XKR6: variants seen among roughly 807,000 people sequenced by gnomAD.
XKR6 encodes XK related 6, also known as XK-related protein 6.
In XKR6, 22 loss-of-function variants were observed where a neutral mutation model predicts 56.7. That is an observed-to-expected ratio of 0.39 (90% CI 0.28 to 0.55). The LOEUF is 0.55. Among genes scored for constraint, XKR6 ranks in the 20% least tolerant of loss-of-function variants. XKR6 has a pLI of 0.66. For synonymous variants in XKR6, 524 were observed against 387.8 expected, an observed-to-expected ratio of 1.35 and a Z score of -4.13; for missense variants, 852 against 889.0, an observed-to-expected ratio of 0.96 and a Z score of 0.53.
In XKR6 at chr8:11,027,071, G is replaced by A. The variant is rs183514011; in HGVS notation, c.765-102241C>T. ...CTGGCCTACTACACACGTAGATGGC[G>A]TTGCCTACCACACACCTAGGCTATA... On this transcript the variant is annotated intron_variant, in intron 1 of 2. Coordinates refer to ENST00000416569, the MANE Select transcript of XKR6 (RefSeq NM_173683.4). Among the ~76,000 whole-genome samples the A allele has an allele frequency of 3.3e-4, 50 of 152,296 alleles. 1 individual carries two copies. The highest frequency in any genetic ancestry group is 7.2e-4 in the Admixed American group (11 of 15,306).
chr8:10,992,447 A>G (rs1798015434), intron 1 of XKR6, among the ~76,000 whole-genome samples: 1 of 152,098 alleles, frequency 6.6e-6, no homozygotes, highest in Non-Finnish European at 1.5e-5. Context: ...GGAGGGGCAG[A>G]TGTGCTTCTT....
At chr8:10,966,027 C>T (rs1389933022) in intron 1 of XKR6, among the ~76,000 whole-genome samples, 2 of 152,148 alleles carry the variant, frequency 1.3e-5, no homozygotes, top group African/African-American at 4.8e-5. Context: ...CCATGCCAGG[C>T]CTAGAGCAGC....
At chr8:11,000,759 T>C (rs1051662965) in intron 1 of XKR6, among the ~76,000 whole-genome samples, 5 of 152,200 alleles carry the variant, frequency 3.3e-5, no homozygotes, top group Admixed American at 1.3e-4. Context: ...GAGCTCTCTC[T>C]GCTAGTTCAT....
Position 10,898,629 on chromosome 8 carries a change from G to A in XKR6, c.1249C>T (p.Leu417Phe), listed in dbSNP as rs1328873163. 3 of 1,614,028 alleles carry A rather than the reference G, an allele frequency of 1.9e-6. No individual in the cohort carries two copies. Among genetic ancestry groups the A allele is most frequent in the African/African-American group, 2.7e-5 (2 of 74,904 alleles). The change falls in exon 3 of 3, where the codon CTC becomes TTC. Residue 417 changes from leucine to phenylalanine, a missense_variant. Coordinates refer to ENST00000416569, the MANE Select transcript of XKR6 (RefSeq NM_173683.4). This position sits in a 1 kb window ranked among gnomAD's most constrained non-coding sequence, Gnocchi z 6.6. ...ACGATCCCTACCACCATGTTGAAGA[G>A]GATCTCCTCCCACTTGGACATGCAG... ...DFCMSKWEEI[L>F]FNMVVGIVYI...
intron 1 of XKR6, among the ~76,000 whole-genome samples, chr8:11,172,263 G>A (rs1245410934): frequency 2.6e-5 from 4 of 152,024 alleles, no homozygotes; most frequent in Non-Finnish European, 4.4e-5. Context: ...CCAGCTACTC[G>A]GGAGGCTGAG....
rs1165258720 is a variant in XKR6, at chr8:11,201,112, G to C, written c.228C>G (p.Ser76=). 21 of 1,507,538 alleles carry C rather than the reference G, an allele frequency of 1.4e-5. No individual in the cohort carries two copies. Among genetic ancestry groups the C allele is most frequent in the Non-Finnish European group, 1.8e-5 (21 of 1,135,408 alleles). 93.4% of individuals were successfully genotyped at this position (1,507,538 alleles called of 1,614,324 possible). Residue 76 remains serine, a synonymous_variant, in exon 1 of 3, where the codon TCC becomes TCG. Coordinates refer to ENST00000416569, the MANE Select transcript of XKR6 (RefSeq NM_173683.4). ...TGCGGCGCGGCTTCCTGCCCAGGAG[G>C]GAGCGCAGGCAGGCGGAGCGGCAGC... ...YWGCRSACLR[S]LLGRKPRRSA...
chr8:11,178,761 C>T (rs918628370), intron 1 of XKR6, among the ~76,000 whole-genome samples: 3 of 150,060 alleles, frequency 2.0e-5, no homozygotes, highest in Admixed American at 6.6e-5. Flanking sequence ...TGGTAGGTAA[C>T]GTTGGCTCTA....
At chr8:11,195,560 C>T (rs904586907) in intron 1 of XKR6, among the ~76,000 whole-genome samples, 1 of 152,104 alleles carries the variant, frequency 6.6e-6, no homozygotes, top group Non-Finnish European at 1.5e-5. Context: ...TCTCAACATT[C>T]TTCAAAGTTT....
At chr8:11,091,435 T>TCAAA (rs1798066844) in intron 1 of XKR6, among the ~76,000 whole-genome samples, 1 of 76,222 alleles carries the variant, frequency 1.3e-5, no homozygotes, top group Non-Finnish European at 2.8e-5. Context: ...AGACCCTGAC[T>TCAAA]CAAATAAATA....
intron 1 of XKR6, among the ~76,000 whole-genome samples, chr8:11,068,442 C>G (rs1172563762): frequency 1.3e-5 from 2 of 152,228 alleles, no homozygotes; most frequent in African/African-American, 4.8e-5. Context: ...GGGACCCTGA[C>G]AATTCTTGAG....
At chr8:10,982,400 C>G (rs1378680717) in intron 1 of XKR6, among the ~76,000 whole-genome samples, 1 of 152,182 alleles carries the variant, frequency 6.6e-6, no homozygotes, top group Admixed American at 6.5e-5. Flanking sequence ...CACATCAGCT[C>G]TCTGGGCTTC....
intron 1 of XKR6, among the ~76,000 whole-genome samples, chr8:11,135,493 A>G (rs1017895309): frequency 5.3e-5 from 8 of 152,352 alleles, no homozygotes; most frequent in African/African-American, 1.9e-4. Context: ...TTAGGACTGG[A>G]AGACCCAAAG....
rs372866464 is a variant in XKR6, at chr8:10,898,657, G to A, written c.1221C>T (p.Asp407=). ...MAFWIIHGGT[D]FCMSKWEEIL... is the part of the protein sequence containing the mutation. ...TCTCCTCCCACTTGGACATGCAGAA[G>A]TCTGTTCCGCCATGGATGATCCAGA... The change falls in exon 3 of 3, where the codon GAC becomes GAT. Residue 407 remains aspartate, a synonymous_variant. Transcript: ENST00000416569. This position sits in a 1 kb window ranked among gnomAD's most constrained non-coding sequence, Gnocchi z 6.6. 1 of 1,614,120 alleles carries A rather than the reference G, an allele frequency of 6.2e-7. No homozygotes were observed. Among genetic ancestry groups the A allele is most frequent in the African/African-American group, 1.3e-5 (1 of 75,024 alleles).
chr8:11,013,001 G>A (rs900128877), intron 1 of XKR6, among the ~76,000 whole-genome samples: 1 of 152,196 alleles, frequency 6.6e-6, no homozygotes, highest in South Asian at 2.1e-4. Flanking sequence ...TTTGCCTGTA[G>A]ACATGCCTTA....
intron 1 of XKR6, among the ~76,000 whole-genome samples, chr8:11,112,058 G>C (rs985316440): frequency 2.0e-5 from 3 of 152,084 alleles, no homozygotes; most frequent in Admixed American, 1.3e-4. Flanking sequence ...TTAAAAACAA[G>C]GCAGTTTTCA....
rs187938472 is a variant in XKR6 at position 10,926,356 on chromosome 8, T to C, written c.765-1526A>G. Among the ~76,000 whole-genome samples, 611 of 152,272 alleles carry C rather than the reference T, an allele frequency of 4.0e-3. 8 individuals are homozygous for C. The highest frequency in any genetic ancestry group is 0.013 in the African/African-American group (525 of 41,572). On this transcript the variant is annotated intron_variant, in intron 1 of 2. Transcript: ENST00000416569. ...CCACAAGGGTGACCTCAAACACACA[T>C]GCCAGGTGCAGTAAGCCCCGCTCAC...
intron 1 of XKR6, among the ~76,000 whole-genome samples, chr8:10,944,314 A>G (rs566396004): frequency 6.6e-6 from 1 of 152,330 alleles, no homozygotes; most frequent in Admixed American, 6.5e-5. Flanking sequence ...GAACACAAGA[A>G]AGAACTTAGT....
At chr8:11,057,944 G>A (rs1433475447) in intron 1 of XKR6, among the ~76,000 whole-genome samples, 1 of 152,222 alleles carries the variant, frequency 6.6e-6, no homozygotes, top group African/African-American at 2.4e-5. Context: ...TGAAGGAAGA[G>A]AAAGAAAATA....
At chr8:11,130,707 G>A (rs532162582) in intron 1 of XKR6, among the ~76,000 whole-genome samples, 4 of 151,386 alleles carry the variant, frequency 2.6e-5, no homozygotes, top group African/African-American at 4.9e-5. Flanking sequence ...TACAGATTGT[G>A]TATCTTCCAT....
Sources: gnomAD v4.1 joint callset for allele counts (sites outside exome capture counted in the v4.1 genomes callset) on GRCh38, gnomAD v4.1.1 for gene constraint, Gnocchi (gnomAD v3.1) non-coding constraint, MANE v1.5 for transcripts, NCBI Gene and HGNC (gene_info 2026-07-23, HGNC 2026-07-21) for gene names.